Variants in WLS observed in about 807,000 individuals in gnomAD.
The protein encoded by WLS is Wnt ligand secretion mediator.
A neutral mutation model predicts 62.8 loss-of-function variants in WLS; 23 were observed. The observed-to-expected ratio is 0.37, with a 90% CI of 0.26 to 0.52. WLS has a LOEUF of 0.52. Ranked by LOEUF, WLS falls within the 20% of genes least tolerant of loss-of-function variation. The probability of loss-of-function intolerance (pLI) is 0.92; values close to 1 mark genes in which losing one functional copy is unlikely to be tolerated. For synonymous variants in WLS, 246 were observed against 244.1 expected (o/e 1.01, Z -0.07); for missense variants, 615 against 697.3 (o/e 0.88, Z 1.33).
At chr1:68,176,242 A>G (rs1008865464) in intron 2 of WLS, 2 of 142,142 alleles carry the variant, frequency 1.4e-5, no homozygotes, top group South Asian at 4.4e-4. Flanking sequence ...CAACCCCTAG[A>G]TTCCGAGTCA....
At chr1:68,170,737 G>A (rs1647141199) in intron 2 of WLS, among the ~76,000 whole-genome samples, 1 of 151,374 alleles carries the variant, frequency 6.6e-6, no homozygotes, top group Non-Finnish European at 1.5e-5. Flanking sequence ...ACAGTACCTT[G>A]TTCACCCAGC....
At chr1:68,169,948 G>A (rs1464984648) in intron 2 of WLS, among the ~76,000 whole-genome samples, 3 of 152,150 alleles carry the variant, frequency 2.0e-5, no homozygotes, top group African/African-American at 7.2e-5. Context: ...CTCAGCTTTG[G>A]AGACAGACAG....
At chr1:68,153,430 G>C in intron 5 of WLS, 87 bp downstream of exon 5, 3 of 1,570,454 alleles carry the variant, frequency 1.9e-6, no homozygotes, top group Non-Finnish European at 1.7e-6. Context: ...CACACTGGCT[G>C]CTTGAACTGG....
downstream of WLS, among the ~76,000 whole-genome samples, chr1:68,120,396 G>A (rs1247823120): frequency 6.6e-6 from 1 of 152,204 alleles, no homozygotes; most frequent in African/African-American, 2.4e-5. Context: ...TTGTTTTTAA[G>A]GCTGGACTAA....
chr1:68,149,077 A>G (rs1193403835), intron 6 of WLS, among the ~76,000 whole-genome samples: 1 of 152,258 alleles, frequency 6.6e-6, no homozygotes, highest in East Asian at 1.9e-4. Context: ...TTAAATATGT[A>G]AAGTGTGTCT....
At chr1:68,190,312 G>A (rs1484132243) in intron 2 of WLS, among the ~76,000 whole-genome samples, 2 of 152,206 alleles carry the variant, frequency 1.3e-5, no homozygotes, top group African/African-American at 2.4e-5. Context: ...CCATTGAAAA[G>A]TATGCCAGCA....
chr1:68,218,218 GGTT>G (rs1433612436), intron 1 of WLS, among the ~76,000 whole-genome samples: 1 of 149,566 alleles, frequency 6.7e-6, no homozygotes, highest in Non-Finnish European at 1.5e-5. Context: ...AACATAGAAT[GGTT>G]GTATCAAAAT....
chr1:68,147,932 T>C (rs557317213), intron 8 of WLS, among the ~76,000 whole-genome samples: 1 of 152,356 alleles, frequency 6.6e-6, no homozygotes, highest in South Asian at 2.1e-4. Flanking sequence ...TGTGACCTTC[T>C]CATTTTGCCT....
intron 11 of WLS, among the ~76,000 whole-genome samples, chr1:68,111,805 T>C (rs77442689): frequency 0.019 from 2,905 of 152,302 alleles, 96 homozygotes; most frequent in African/African-American, 0.067. Context: ...TGCTCTGTTC[T>C]GGTGTATGTC....
At chr1:68,103,973 G>A (rs1467496248) in intron 11 of WLS, among the ~76,000 whole-genome samples, 3 of 152,146 alleles carry the variant, frequency 2.0e-5, no homozygotes, top group African/African-American at 4.8e-5. Context: ...GGAGCTCACA[G>A]AGGTTTCTTC....
At chr1:68,156,758 A>G (rs544799904) in intron 3 of WLS, among the ~76,000 whole-genome samples, 1 of 152,138 alleles carries the variant, frequency 6.6e-6, no homozygotes, top group South Asian at 2.1e-4. Context: ...TCCTATATAG[A>G]TCATCTTTCT....
At chr1:68,217,822 G>T (rs774653748) in intron 1 of WLS, among the ~76,000 whole-genome samples, 7 of 152,156 alleles carry the variant, frequency 4.6e-5, no homozygotes, top group Non-Finnish European at 8.8e-5. Flanking sequence ...TGTGAGAGGG[G>T]TCTGGTTCCC....
chr1:68,161,613 A>G lies in WLS; in HGVS notation c.380-2366T>C, dbSNP rs112972511. ...ACATCTTCAGTTTTCTAGCTCTTGT[A>G]GTTTTAACACTGCAGCATCAATGAT... On this transcript the variant is annotated intron_variant, in intron 2 of 11. Transcript: ENST00000262348. The G allele has an allele frequency of 1.3e-4, 85 of 670,826 alleles. 2 individuals carry two copies. In the African/African-American group the frequency reaches 1.4e-3, roughly 11 times the overall value. 41.6% of individuals were successfully genotyped at this position (670,826 alleles called of 1,614,324 possible).
Position 68,153,538 on chromosome 1 carries a change from C to T in WLS, c.782G>A (p.Arg261Gln). 4 of 1,614,064 alleles carry T rather than the reference C, an allele frequency of 2.5e-6. No individual in the cohort carries two copies. Among genetic ancestry groups the T allele is most frequent in the Non-Finnish European group, 3.4e-6 (4 of 1,180,012 alleles). ...TTACTTTTCCAGAAGCACTGGGGGT[C>T]GGGACATCATGGTGATCCTCCTCCA... ...WYWRRITMMS[R>Q]PPVLLEKVIF... Residue 261 changes from arginine (R) to glutamine (Q), a missense_variant, in exon 5 of 12, where the codon CGA (arginine) becomes CAA (glutamine). Physicochemically the swap from Arg to Gln is conservative, Grantham distance 43. Coordinates refer to ENST00000262348, the MANE Select transcript of WLS (RefSeq NM_024911.7).
At chr1:68,170,459 C>T (rs539126659) in intron 2 of WLS, among the ~76,000 whole-genome samples, 7 of 152,154 alleles carry the variant, frequency 4.6e-5, no homozygotes, top group South Asian at 2.1e-4. Flanking sequence ...TGAGCCACCG[C>T]GCTCGGCCGC....
chr1:68,187,806 T>G (rs2026749), intron 2 of WLS, among the ~76,000 whole-genome samples: 63,232 of 151,970 alleles, frequency 0.42, 13,771 homozygotes, highest in Non-Finnish European at 0.49. Context: ...GCTAAAAGTA[T>G]TCGAGTTATT....
chr1:68,226,866 G>A (rs1313023315), intron 1 of WLS, among the ~76,000 whole-genome samples: 1 of 152,058 alleles, frequency 6.6e-6, no homozygotes, highest in Non-Finnish European at 1.5e-5. Flanking sequence ...AGGAATATAA[G>A]GTAAGAAATA....
At chr1:68,193,115 A>G (rs546594811) in intron 2 of WLS, among the ~76,000 whole-genome samples, 2 of 151,994 alleles carry the variant, frequency 1.3e-5, no homozygotes, top group East Asian at 1.9e-4. Context: ...GTTTCAAAAA[A>G]AAAAGAAAAG....
At chr1:68,146,191 A>G (rs2100452886) in intron 8 of WLS, among the ~76,000 whole-genome samples, 179 bp from the exon 9 acceptor site, 1 of 152,340 alleles carries the variant, frequency 6.6e-6, no homozygotes, top group African/African-American at 2.4e-5. Context: ...TTCTTGACAC[A>G]TTAGTACCAC....
Sources: allele counts gnomAD v4.1 joint callset (sites outside exome capture counted in the v4.1 genomes callset), GRCh38; gene constraint gnomAD v4.1.1; transcripts MANE v1.5; gene names NCBI Gene and HGNC (gene_info 2026-07-23, HGNC 2026-07-21).